Variants in LHFPL3 observed in about 807,000 individuals in gnomAD.
The protein encoded by LHFPL3 is LHFPL tetraspan subfamily member 3 protein.
A neutral mutation model predicts 19.3 loss-of-function variants in LHFPL3; 5 were observed. That is an observed-to-expected ratio of 0.26 (90% CI 0.14 to 0.54). LHFPL3 has a LOEUF of 0.54. Among genes scored for constraint, LHFPL3 ranks in the 20% least tolerant of loss-of-function variants. LHFPL3 has a pLI of 0.94. For synonymous variants in LHFPL3, 133 were observed against 126.2 expected (o/e 1.05, Z -0.36); for missense variants, 249 against 307.4 (o/e 0.81, Z 1.42).
chr7:104,398,225 T>C (rs902362919), intron 1 of LHFPL3, among the ~76,000 whole-genome samples: 3 of 152,226 alleles, frequency 2.0e-5, no homozygotes, highest in African/African-American at 7.2e-5. Flanking sequence ...TTCATGGTAC[T>C]CTTTCCACTT....
chr7:104,568,744 C>A (rs34250422), intron 1 of LHFPL3, among the ~76,000 whole-genome samples: 2,522 of 152,238 alleles, frequency 0.017, 53 homozygotes, highest in East Asian at 0.12. Context: ...CATGACATGG[C>A]GCAGAGTGTA....
At chr7:104,720,950 T>C (rs1006229248) in intron 1 of LHFPL3, among the ~76,000 whole-genome samples, 1 of 152,148 alleles carries the variant, frequency 6.6e-6, no homozygotes, top group Non-Finnish European at 1.5e-5. Flanking sequence ...GGAGTGTAAA[T>C]TAGTTCAACC....
chr7:104,732,278 G>A (rs1266927209), intron 1 of LHFPL3, among the ~76,000 whole-genome samples: 1 of 152,126 alleles, frequency 6.6e-6, no homozygotes, highest in Non-Finnish European at 1.5e-5. Context: ...TCTATTGATT[G>A]GAATAGTTTC....
chr7:104,583,611 C>G (rs1034505498), intron 1 of LHFPL3, among the ~76,000 whole-genome samples: 1 of 152,034 alleles, frequency 6.6e-6, no homozygotes, highest in East Asian at 1.9e-4. Context: ...AACAAATTTA[C>G]AAGAAAACAA....
At chr7:104,668,307 G>A in intron 1 of LHFPL3, 1 of 1,605,196 alleles carries the variant, frequency 6.2e-7, no homozygotes. Flanking sequence ...TTTTGGCCGT[G>A]ATAGAAATCG....
chr7:104,755,601 CAGAG>C (rs67221966), intron 2 of LHFPL3, among the ~76,000 whole-genome samples: 6 of 151,600 alleles, frequency 4.0e-5, no homozygotes, highest in African/African-American at 1.2e-4. Flanking sequence ...CACACACACA[CAGAG>C]AGAAACACCC....
rs1388279262 is a variant in LHFPL3, at chr7:104,829,683, G to C, written c.683-76504G>C. On this transcript the variant is annotated intron_variant, in intron 2 of 2. Coordinates refer to ENST00000424859, the MANE Select transcript of LHFPL3 (RefSeq NM_199000.3). ...ACTCATCATTTTTTATGGCTGCATA[G>C]TATTCCATGGTGTATATGTGCCACA... Among the ~76,000 whole-genome samples, 8 of 151,858 alleles carry C rather than the reference G, an allele frequency of 5.3e-5. 1 individual carries two copies. Among genetic ancestry groups the C allele is most frequent in the African/African-American group, 1.7e-4 (7 of 41,146 alleles).
Position 104,608,163 on chromosome 7 carries a change from T to G in LHFPL3, c.446-128512T>G, listed in dbSNP as rs1791140777. 2.0e-5 allele frequency among the ~76,000 whole-genome samples: 3 copies of G among 152,120 alleles called. No individual in the cohort carries two copies. In the South Asian group the frequency reaches 6.2e-4, roughly 32 times the overall value. On this transcript the variant is annotated intron_variant, in intron 1 of 2. Coordinates refer to ENST00000424859, the MANE Select transcript of LHFPL3 (RefSeq NM_199000.3). ...ATTACTGGGTATATACCCAAAGGAT[T>G]ATAAATCATGCTGCTATAAAGACAC...
chr7:104,537,183 C>T (rs907525911), intron 1 of LHFPL3, among the ~76,000 whole-genome samples: 2 of 152,184 alleles, frequency 1.3e-5, no homozygotes, highest in Non-Finnish European at 2.9e-5. Flanking sequence ...CATTTCAACA[C>T]CCCATCTCCA....
intron 1 of LHFPL3, among the ~76,000 whole-genome samples, chr7:104,389,960 T>C (rs28840725): frequency 1.1e-3 from 174 of 152,168 alleles, no homozygotes; most frequent in African/African-American, 4.0e-3. Flanking sequence ...GGTAATGCTT[T>C]CTTTAATATG....
intron 1 of LHFPL3, among the ~76,000 whole-genome samples, chr7:104,651,783 C>G (rs1403105981): frequency 6.6e-6 from 1 of 152,200 alleles, no homozygotes; most frequent in East Asian, 1.9e-4. Context: ...GCCCTGGAGT[C>G]AGCTTCTGCC....
chr7:104,603,728 G>A (rs1562947759), intron 1 of LHFPL3, among the ~76,000 whole-genome samples: 1 of 152,216 alleles, frequency 6.6e-6, no homozygotes, highest in Non-Finnish European at 1.5e-5. Context: ...AGAAGAAAGA[G>A]GCAACTTGTC....
intron 2 of LHFPL3, among the ~76,000 whole-genome samples, chr7:104,898,499 T>C (rs967209832): frequency 5.3e-5 from 8 of 152,186 alleles, no homozygotes; most frequent in African/African-American, 1.9e-4. Flanking sequence ...TAAACTTCTC[T>C]TGTCTTTATG....
At chr7:104,571,483 C>T (rs1790230030) in intron 1 of LHFPL3, among the ~76,000 whole-genome samples, 1 of 152,160 alleles carries the variant, frequency 6.6e-6, no homozygotes, top group Non-Finnish European at 1.5e-5. Flanking sequence ...AGCTTTTCTT[C>T]CTCACCATGC....
intron 2 of LHFPL3, among the ~76,000 whole-genome samples, chr7:104,818,653 AT>A (rs1345751703): frequency 3.9e-5 from 6 of 152,278 alleles, no homozygotes; most frequent in African/African-American, 1.4e-4. Flanking sequence ...TAAATTTCAG[AT>A]GTTCAAAAGT....
At chr7:104,445,908 T>G (rs1433063684) in intron 1 of LHFPL3, among the ~76,000 whole-genome samples, 3 of 152,220 alleles carry the variant, frequency 2.0e-5, no homozygotes. Flanking sequence ...TGATTTAATC[T>G]GAACCTCCTG....
chr7:104,492,583 G>A (rs867485842), intron 1 of LHFPL3, among the ~76,000 whole-genome samples: 15 of 152,222 alleles, frequency 9.9e-5, no homozygotes, highest in African/African-American at 3.4e-4. Context: ...TTAGCACAGA[G>A]GAACTTCACA....
intron 1 of LHFPL3, among the ~76,000 whole-genome samples, chr7:104,413,667 G>A (rs889825047): frequency 2.6e-5 from 4 of 152,240 alleles, no homozygotes; most frequent in East Asian, 3.9e-4. Flanking sequence ...TCAGTTCTGC[G>A]TCCTTCACCT....
At chr7:104,559,631 G>A (rs62485156) in intron 1 of LHFPL3, among the ~76,000 whole-genome samples, 3,822 of 152,238 alleles carry the variant, frequency 0.025, 72 homozygotes, top group Non-Finnish European at 0.041. Flanking sequence ...TGCAAACAGG[G>A]ACAATTTGAC....
Sources: gnomAD v4.1 joint callset for allele counts (sites outside exome capture counted in the v4.1 genomes callset) on GRCh38, gnomAD v4.1.1 for gene constraint, MANE v1.5 for transcripts, NCBI Gene and HGNC (gene_info 2026-07-23, HGNC 2026-07-21) for gene names.